PTOV1: variants seen among roughly 807,000 people sequenced by gnomAD.
PTOV1 encodes prostate tumor-overexpressed gene 1 protein.
PTOV1 carries 20 observed loss-of-function variants against 58.0 expected under a neutral mutation model. That is an observed-to-expected ratio of 0.34 (90% CI 0.24 to 0.50). PTOV1 has a LOEUF of 0.50. PTOV1 is among the 20% of genes least tolerant of loss of function. The probability of loss-of-function intolerance (pLI) is 0.98; values close to 1 mark genes in which losing one functional copy is unlikely to be tolerated. For synonymous variants in PTOV1, 335 were observed against 234.2 expected (o/e 1.43, Z -3.93); for missense variants, 593 against 565.4 (o/e 1.05, Z -0.50).
At chr19:49,855,057 C>G (rs749014490) in exon 5 of PTOV1, 1 of 1,596,080 alleles carries the variant, frequency 6.3e-7, no homozygotes, top group East Asian at 2.3e-5. Context: ...GGGGCTCTGC[C>G]GCATCATGGG....
At chr19:49,860,480 A>G (rs2122298821) in exon 12 of PTOV1, 1 of 795,132 alleles carries the variant, frequency 1.3e-6, no homozygotes, top group South Asian at 1.9e-5. Context: ...GGCTGTCGGG[A>G]AACTGCAGCC....
At chr19:49,853,975 G>A (rs2074358470) in intron 1 of PTOV1, among the ~76,000 whole-genome samples, 1 of 152,252 alleles carries the variant, frequency 6.6e-6, no homozygotes, top group Admixed American at 6.5e-5. Flanking sequence ...AAGCTGGTGT[G>A]TGGGACAGAC....
At chr19:49,858,478 C>A in intron 9 of PTOV1, 71 bp from the exon 10 acceptor site, 2 of 1,288,756 alleles carry the variant, frequency 1.6e-6, no homozygotes, top group South Asian at 2.6e-5. Context: ...GCCCGGGGGA[C>A]TCAGCGGGCT....
chr19:49,858,230 G>A, intron 9 of PTOV1, 116 bp downstream of exon 9: 7 of 1,320,220 alleles, frequency 5.3e-6, no homozygotes, highest in Non-Finnish European at 7.2e-6. Context: ...GAGCGGAGCT[G>A]AGGGTGCTGA....
rs368120925 is a variant in PTOV1 at position 49,854,818 on chromosome 19, C to T, written c.393-13C>T. ...GATCAGGGCAGCCCTTTCTGACCAG[C>T]TCCTTCCCATAGGGAGACCGACCAG... On this transcript the variant is annotated splice_polypyrimidine_tract_variant and intron_variant, in intron 3 of 11. Coordinates refer to ENST00000391842, the Ensembl canonical transcript of PTOV1. 76 of 1,613,272 alleles carry T rather than the reference C, an allele frequency of 4.7e-5. No individual in the cohort carries two copies. The Middle Eastern group carries it at 8.2e-4, about 17-fold the overall frequency.
exon 1 of PTOV1, chr19:49,851,401 C>T (rs935663721): frequency 1.1e-5 from 13 of 1,190,008 alleles, no homozygotes; most frequent in African/African-American, 3.2e-5. Context: ...CCGCCCTCCG[C>T]GGCCCCTCGT....
intron 10 of PTOV1, 161 bp downstream of exon 10, chr19:49,858,814 G>A (rs904530581): frequency 8.4e-5 from 53 of 632,644 alleles, no homozygotes; most frequent in Admixed American, 5.5e-4. Flanking sequence ...GCTCTGTGCT[G>A]TCCCCACGGC....
chr19:49,857,739 A>G lies in PTOV1; in HGVS notation c.761A>G (p.Asn254Ser), dbSNP rs757769457. The change falls in exon 7 of 12, where the codon AAC (asparagine) becomes AGC (serine). Residue 254 changes from asparagine to serine, a missense_variant. Asn to Ser is a conservative substitution (Grantham distance 46). Transcript: ENST00000391842. ...AACTCAGGCCCAGTCCAGATCGTCAACAACAAGTTTCTGGCATGGAGTGGT... is the reference window on the plus strand; with the variant it reads ...AACTCAGGCCCAGTCCAGATCGTCAGCAACAAGTTTCTGGCATGGAGTGGT... 1.4e-5 allele frequency: 23 copies of G among 1,613,078 alleles called. No homozygotes were observed. The South Asian group carries it at 1.8e-4, about 12-fold the overall frequency.
At chr19:49,857,466 G>A (rs2074525379) in intron 6 of PTOV1, 2 of 615,748 alleles carry the variant, frequency 3.2e-6, no homozygotes, top group Non-Finnish European at 5.8e-6. Flanking sequence ...GGCAGACTCT[G>A]CAGGTCCTGT....
intron 5 of PTOV1, chr19:49,855,772 C>G (rs563358144): frequency 6.5e-6 from 1 of 153,544 alleles, no homozygotes. Flanking sequence ...CTAGGGCCAC[C>G]GGGAGGCTGG....
chr19:49,853,132 C>A (rs749022325), intron 1 of PTOV1: 4 of 152,202 alleles, frequency 2.6e-5, no homozygotes, highest in African/African-American at 9.6e-5. Flanking sequence ...TAAGCACTCA[C>A]AAAATAAAAT....
rs1465804388 is a variant in PTOV1 at position 49,858,121 on chromosome 19, G to GGCTGGGGCCGGGT, written c.936+13_936+25dup. On this transcript the variant is annotated splice_region_variant and intron_variant, in intron 9 of 11. Coordinates refer to ENST00000391842, the Ensembl canonical transcript of PTOV1. Reference sequence around the variant, plus strand: ...CATCCCGCAGCAGCTGCTGGTGAGGGGCTGGGGCCGGGTGCTGGAGCCTGC... The same window carrying GGCTGGGGCCGGGT: ...CATCCCGCAGCAGCTGCTGGTGAGGGGCTGGGGCCGGGTGCTGGGGCCGGGTGCTGGAGCCTGC... 6.2e-7 allele frequency: 1 copy of GGCTGGGGCCGGGT among 1,612,452 alleles called. No individual in the cohort carries two copies. The highest frequency in any genetic ancestry group is 1.3e-5 in the African/African-American group (1 of 74,928).
In PTOV1 at chr19:49,857,678, GTTCCC is replaced by G. The variant is rs745757815; in HGVS notation, c.715-10_715-6del. 2.5e-6 allele frequency: 4 copies of G among 1,612,036 alleles called. No individual in the cohort carries two copies. The highest frequency in any genetic ancestry group is 1.7e-6 in the Non-Finnish European group (2 of 1,178,700). On this transcript the variant is annotated splice_polypyrimidine_tract_variant and intron_variant, in intron 6 of 11. Coordinates refer to ENST00000391842, the Ensembl canonical transcript of PTOV1. ...GAGCCTGGGCCCCTCTTCCCACCCC[GTTCCC>G]TTCCAACAGGCAGTGGGACCTGGTG...
At chr19:49,859,078 C>G (rs2122267782) in intron 10 of PTOV1, 1 of 159,288 alleles carries the variant, frequency 6.3e-6, no homozygotes, top group South Asian at 2.0e-4. Context: ...TCTTCTCTCT[C>G]TCGGGCTCAG....
exon 8 of PTOV1, chr19:49,857,935 G>A (rs2074553060): frequency 1.2e-6 from 2 of 1,613,796 alleles, no homozygotes; most frequent in Non-Finnish European, 1.7e-6. Context: ...CGGTCCAAGA[G>A]GTGGCTGCCA....
Position 49,857,274 on chromosome 19 carries a change from G to T in PTOV1, c.714+144G>T, listed in dbSNP as rs2278837. The T allele has an allele frequency of 0.01, 12,302 of 1,214,206 alleles. 562 individuals carry two copies. The East Asian group carries it at 0.12, about 12-fold the overall frequency. 75.2% of individuals were successfully genotyped at this position (1,214,206 alleles called of 1,614,324 possible). The stretch of plus-strand genomic sequence containing the variant: ...CAGGGGAGCCCGGAGGATGCCGGGC[G>T]GGTTCCCACCAGGGCTCCATGGAAA... On this transcript the variant is annotated intron_variant, in intron 6 of 11. Transcript: ENST00000391842.
In PTOV1 at chr19:49,855,178, G is replaced by T; in HGVS notation, c.558+101G>T. ...GGCGGGGGTCGGGGGGTCTCCCCTGGGGCCGAGGGTAGCCCTCGTGGCCTC... is the reference window on the plus strand; with the variant it reads ...GGCGGGGGTCGGGGGGTCTCCCCTGTGGCCGAGGGTAGCCCTCGTGGCCTC... On this transcript the variant is annotated intron_variant, in intron 5 of 11. Transcript: ENST00000391842. 5 of 1,200,204 alleles carry T rather than the reference G, an allele frequency of 4.2e-6. No individual in the cohort carries two copies. In the East Asian group the frequency reaches 7.7e-5, roughly 18 times the overall value. The allele number at this position is 1,200,204 out of a possible 1,614,324, so 74.3% of individuals were successfully genotyped here.
exon 10 of PTOV1, chr19:49,858,571 G>C (rs528461388): frequency 3.1e-6 from 5 of 1,603,366 alleles, no homozygotes; most frequent in Non-Finnish European, 8.5e-7. Context: ...CCGCTGTTCC[G>C]GAACTCGCGC....
upstream of PTOV1, chr19:49,850,751 G>A (rs905742273): frequency 8.9e-7 from 1 of 1,129,940 alleles, no homozygotes; most frequent in South Asian, 1.5e-5. Flanking sequence ...CTCAGGCTCG[G>A]GTGCAATCCG....
Sources: gnomAD v4.1 joint callset for allele counts (sites outside exome capture counted in the v4.1 genomes callset) on GRCh38, gnomAD v4.1.1 for gene constraint, MANE v1.5 for transcripts, NCBI Gene and HGNC (gene_info 2026-07-23, HGNC 2026-07-21) for gene names.